The following FBXL17 variants were observed in gnomAD, a reference collection of about 807,000 sequenced individuals.
FBXL17 encodes the protein F-box and leucine rich repeat protein 17.
Under a neutral mutation model 66.2 loss-of-function variants are expected in FBXL17, and 22 were observed. That is an observed-to-expected ratio of 0.33 (90% CI 0.24 to 0.47). FBXL17 has a LOEUF of 0.47. Ranked by LOEUF, FBXL17 falls within the 20% of genes least tolerant of loss-of-function variation. The pLI is 1.00. For missense variants in FBXL17, 878 were observed against 948.2 expected (o/e 0.93, Z 0.97); for synonymous variants, 474 against 400.5 (o/e 1.18, Z -2.19).
chr5:108,287,216 A>G (rs759368530), intron 4 of FBXL17, among the ~76,000 whole-genome samples: 7 of 151,982 alleles, frequency 4.6e-5, no homozygotes, highest in Non-Finnish European at 8.8e-5. Context: ...GACCTGGCAA[A>G]GATTTCATGA....
chr5:108,196,736 C>T (rs1304284194), intron 5 of FBXL17, among the ~76,000 whole-genome samples: 2 of 152,122 alleles, frequency 1.3e-5, no homozygotes, highest in African/African-American at 4.8e-5. Context: ...CGGCTACATG[C>T]TTTTAAAGTT....
intron 6 of FBXL17, among the ~76,000 whole-genome samples, chr5:108,118,061 T>A (rs1243905920): frequency 6.6e-6 from 1 of 152,196 alleles, no homozygotes; most frequent in African/African-American, 2.4e-5. Flanking sequence ...AACTTAATGA[T>A]ATGGTATAGT....
intron 7 of FBXL17, among the ~76,000 whole-genome samples, chr5:107,888,670 T>C (rs1177341569): frequency 7.2e-5 from 11 of 152,024 alleles, no homozygotes; most frequent in Admixed American, 7.2e-4. Flanking sequence ...ATCCACGTTG[T>C]TATGTATACT....
chr5:107,860,219 G>A lies in FBXL17; in HGVS notation c.*1501C>T, dbSNP rs1402008387. 6.6e-6 allele frequency: 1 copy of A among 152,602 alleles called. No individual in the cohort carries two copies. Among genetic ancestry groups the A allele is most frequent in the East Asian group, 1.9e-4 (1 of 5,194 alleles). The allele number at this position is 152,602 out of a possible 1,614,324, so 9.5% of individuals were successfully genotyped here. Reference sequence around the variant, plus strand: ...AGCTAATGTCATGTTAGCAATGTGAGACTTAAAGAAAGTGAAACTCAAACC... The same window carrying A: ...AGCTAATGTCATGTTAGCAATGTGAAACTTAAAGAAAGTGAAACTCAAACC... On this transcript the variant is annotated 3_prime_UTR_variant, in exon 9 of 9. Transcript: ENST00000542267.
intron 4 of FBXL17, among the ~76,000 whole-genome samples, chr5:108,311,937 A>G (rs1759140112): frequency 6.6e-6 from 1 of 152,156 alleles, no homozygotes; most frequent in African/African-American, 2.4e-5. Flanking sequence ...CTTTCAAACT[A>G]TTATAGAAAA....
intron 7 of FBXL17, among the ~76,000 whole-genome samples, chr5:107,990,967 C>G (rs1466903740): frequency 1.3e-5 from 2 of 152,140 alleles, no homozygotes; most frequent in Non-Finnish European, 2.9e-5. Context: ...ATGCCAGGAC[C>G]AAGTCTGAGG....
At chr5:108,093,928 G>A (rs1277120699) in intron 6 of FBXL17, among the ~76,000 whole-genome samples, 1 of 152,132 alleles carries the variant, frequency 6.6e-6, no homozygotes, top group Non-Finnish European at 1.5e-5. Flanking sequence ...GTTGGAGCTT[G>A]AACACATCTG....
At chr5:108,370,515 C>T (rs1348648255) in intron 1 of FBXL17, among the ~76,000 whole-genome samples, 1 of 152,042 alleles carries the variant, frequency 6.6e-6, no homozygotes, top group East Asian at 1.9e-4. Context: ...GAGGCCGAGG[C>T]AGGTGGATCA....
At chr5:108,077,114 C>G (rs1217149289) in intron 6 of FBXL17, among the ~76,000 whole-genome samples, 1 of 152,128 alleles carries the variant, frequency 6.6e-6, no homozygotes, top group Non-Finnish European at 1.5e-5. Context: ...GTATTGCAAG[C>G]AAAGTCTGAT....
At chr5:108,006,116 G>A (rs183224045) in intron 7 of FBXL17, among the ~76,000 whole-genome samples, 209 of 152,308 alleles carry the variant, frequency 1.4e-3, no homozygotes, top group African/African-American at 4.6e-3. Flanking sequence ...AATGGGAGGC[G>A]AGGCACCGGA....
At chr5:108,081,240 G>A (rs1748750508) in intron 6 of FBXL17, among the ~76,000 whole-genome samples, 1 of 152,014 alleles carries the variant, frequency 6.6e-6, no homozygotes, top group Non-Finnish European at 1.5e-5. Flanking sequence ...AGGCACATCC[G>A]ACTCCTCCTT....
intron 7 of FBXL17, among the ~76,000 whole-genome samples, chr5:108,000,391 C>G (rs1753673187): frequency 6.6e-6 from 1 of 152,138 alleles, no homozygotes; most frequent in Non-Finnish European, 1.5e-5. Context: ...TGCAGCAGTA[C>G]TATAAAAAAC....
At chr5:108,272,093 A>G (rs1382591931) in intron 4 of FBXL17, among the ~76,000 whole-genome samples, 1 of 152,152 alleles carries the variant, frequency 6.6e-6, no homozygotes, top group Non-Finnish European at 1.5e-5. Flanking sequence ...GATCGAGACC[A>G]TCCTGGCTAA....
At chr5:108,107,246 AT>A (rs971496047) in intron 6 of FBXL17, among the ~76,000 whole-genome samples, 12 of 151,934 alleles carry the variant, frequency 7.9e-5, no homozygotes, top group Admixed American at 7.9e-4. Context: ...TAAGTTTTGT[AT>A]TTTTAGTAGA....
At chr5:108,036,983 C>T (rs1431575453) in intron 6 of FBXL17, among the ~76,000 whole-genome samples, 1 of 152,026 alleles carries the variant, frequency 6.6e-6, no homozygotes, top group African/African-American at 2.4e-5. Flanking sequence ...GGATAAAAAG[C>T]TTGTGGTAAC....
At chr5:107,931,072 A>G (rs1258050964) in intron 7 of FBXL17, among the ~76,000 whole-genome samples, 2 of 152,146 alleles carry the variant, frequency 1.3e-5, no homozygotes, top group Non-Finnish European at 2.9e-5. Flanking sequence ...CAGTCGGTTG[A>G]ATTGAGCAGA....
At chr5:108,326,141 T>C (rs1205989314) in intron 4 of FBXL17, among the ~76,000 whole-genome samples, 8 of 152,098 alleles carry the variant, frequency 5.3e-5, no homozygotes, top group African/African-American at 1.4e-4. Context: ...TTGAGCTTCA[T>C]CAAAGTAAAA....
rs1314506326 is a variant in FBXL17, at chr5:107,944,370, T to A, written c.1823-63191A>T. The stretch of plus-strand genomic sequence containing the variant: ...CAAAATAGTTTGAGAAATTCTTCTA[T>A]GTGTCTGCTCTCAGAATCACTTTAT... On this transcript the variant is annotated intron_variant, in intron 7 of 8. Coordinates refer to ENST00000542267, the MANE Select transcript of FBXL17 (RefSeq NM_001163315.3). Among the ~76,000 whole-genome samples the A allele has an allele frequency of 2.6e-5, 4 of 152,298 alleles. No individual in the cohort carries two copies. In the East Asian group the frequency reaches 7.7e-4, roughly 29 times the overall value.
chr5:108,226,476 G>C (rs1755105767), intron 4 of FBXL17, among the ~76,000 whole-genome samples: 2 of 152,008 alleles, frequency 1.3e-5, no homozygotes, highest in South Asian at 4.1e-4. Flanking sequence ...TTCTGATACA[G>C]TTCATGTGTC....
Sources: gnomAD v4.1 joint callset for allele counts (sites outside exome capture counted in the v4.1 genomes callset) on GRCh38, gnomAD v4.1.1 for gene constraint, MANE v1.5 for transcripts, NCBI Gene and HGNC (gene_info 2026-07-23, HGNC 2026-07-21) for gene names.